The following BIRC3 variants were observed in gnomAD, a reference collection of about 807,000 sequenced individuals.
The protein encoded by BIRC3 is baculoviral IAP repeat containing 3, also known as baculoviral IAP repeat-containing protein 3.
Under a neutral mutation model 59.0 loss-of-function variants are expected in BIRC3, and 26 were observed. The ratio of observed to expected loss-of-function variants is 0.44; its 90% CI spans 0.32 to 0.61. The LOEUF (loss-of-function observed/expected upper bound fraction) is 0.61. Among genes scored for constraint, BIRC3 ranks in the 20% least tolerant of loss-of-function variants. The pLI is 0.04. For synonymous variants in BIRC3, 243 were observed against 249.2 expected (o/e 0.98, Z 0.24); for missense variants, 641 against 711.5 (o/e 0.90, Z 1.13).
At position 102,324,657 on chromosome 11, in the gene BIRC3, C is replaced by G. The variant is rs978016131; in HGVS notation, c.148C>G (p.Leu50Val). 3.1e-6 allele frequency: 5 copies of G among 1,614,184 alleles called. No homozygotes were observed. Among genetic ancestry groups the G allele is most frequent in the Non-Finnish European group, 4.2e-6 (5 of 1,180,024 alleles). Residue 50 changes from leucine (L) to valine (V), a missense_variant, in exon 2 of 9, where the codon CTT becomes GTT. Physicochemically the swap from Leu to Val is conservative, Grantham distance 32. Coordinates refer to ENST00000263464, the MANE Select transcript of BIRC3 (RefSeq NM_001165.5). Reference protein sequence around the residue: ...PAGVPVSERSLARAGFYYTGV... With the variant: ...PAGVPVSERSVARAGFYYTGV... Reference sequence around the variant, plus strand: ...TGGGGTTCCTGTCTCAGAAAGGAGTCTTGCTCGTGCTGGTTTCTATTACAC... The same window carrying G: ...TGGGGTTCCTGTCTCAGAAAGGAGTGTTGCTCGTGCTGGTTTCTATTACAC...
chr11:102,324,285 T>C lies in BIRC3; in HGVS notation c.-225T>C, dbSNP rs990087823. On this transcript the variant is annotated 5_prime_UTR_variant, in exon 2 of 9. Coordinates refer to ENST00000263464, the MANE Select transcript of BIRC3 (RefSeq NM_001165.5). ...TGTAGCATCATGTTTACATTGTATG[T>C]ATAAAGATTATACAAAGGTGCAATT... 4 of 447,544 alleles carry C rather than the reference T, an allele frequency of 8.9e-6. No individual in the cohort carries two copies. Among genetic ancestry groups the C allele is most frequent in the African/African-American group, 2.0e-5 (1 of 49,936 alleles). 27.7% of individuals were successfully genotyped at this position (447,544 alleles called of 1,614,324 possible).
chr11:102,325,742 C>A (rs954276901), intron 3 of BIRC3, among the ~76,000 whole-genome samples, 177 bp downstream of exon 3: 1 of 151,616 alleles, frequency 6.6e-6, no homozygotes, highest in Non-Finnish European at 1.5e-5. Flanking sequence ...CTTAAGACAA[C>A]GAAGAAATAG....
chr11:102,326,084 C>T (rs992698912), intron 3 of BIRC3, among the ~76,000 whole-genome samples: 4 of 152,068 alleles, frequency 2.6e-5, no homozygotes, highest in Admixed American at 6.6e-5. Flanking sequence ...TCCATTCATT[C>T]GGTATTCAAT....
chr11:102,336,585 C>G (rs1296626764), intron 7 of BIRC3, 175 bp from the exon 8 acceptor site: 1 of 667,470 alleles, frequency 1.5e-6, no homozygotes, highest in Non-Finnish European at 2.4e-6. Flanking sequence ...CAGACTCTGT[C>G]TCAAAAAAAA....
chr11:102,325,341 A>G lies in BIRC3; in HGVS notation c.832A>G (p.Ser278Gly). The change falls in exon 2 of 9, where the codon AGT (serine) becomes GGT (glycine). Residue 278 changes from serine (S) to glycine (G), a missense_variant. Coordinates refer to ENST00000263464, the MANE Select transcript of BIRC3 (RefSeq NM_001165.5). Reference protein sequence around the residue: ...SVLVNPEQLASAGFYYVGNSD... With the variant: ...SVLVNPEQLAGAGFYYVGNSD... ...TCTAGTTAATCCTGAGCAGCTTGCAAGTGCGGGTTTTTATTATGTGGGTAA... is the reference window on the plus strand; with the variant it reads ...TCTAGTTAATCCTGAGCAGCTTGCAGGTGCGGGTTTTTATTATGTGGGTAA... 6.3e-7 allele frequency: 1 copy of G among 1,597,728 alleles called. No individual in the cohort carries two copies. Among genetic ancestry groups the G allele is most frequent in the Non-Finnish European group, 8.5e-7 (1 of 1,173,186 alleles).
chr11:102,327,247 A>C (rs1267744114), intron 3 of BIRC3, among the ~76,000 whole-genome samples: 1 of 152,208 alleles, frequency 6.6e-6, no homozygotes, highest in Non-Finnish European at 1.5e-5. Flanking sequence ...ATTAAGAGTA[A>C]ATTGATTATA....
chr11:102,332,024 C>T (rs1347944898), intron 6 of BIRC3, among the ~76,000 whole-genome samples: 4 of 152,134 alleles, frequency 2.6e-5, no homozygotes, highest in African/African-American at 9.7e-5. Context: ...TATTAAGTCC[C>T]CTACCTGTCC....
At chr11:102,320,676 G>A (rs1276796732) in intron 1 of BIRC3, among the ~76,000 whole-genome samples, 1 of 152,164 alleles carries the variant, frequency 6.6e-6, no homozygotes, top group African/African-American at 2.4e-5. Flanking sequence ...CAAAACATAT[G>A]TCCTTTTTCT....
In BIRC3 at chr11:102,338,908, A is replaced by C. The variant is rs912398360; in HGVS notation, c.*1806A>C. 39 of 221,488 alleles carry C rather than the reference A, an allele frequency of 1.8e-4. No individual in the cohort carries two copies. Among genetic ancestry groups the C allele is most frequent in the African/African-American group, 7.8e-4 (35 of 44,690 alleles). The allele number at this position is 221,488 out of a possible 1,614,324, so 13.7% of individuals were successfully genotyped here. A position where few individuals can be genotyped will look rare whatever the true frequency, so the allele number is the denominator to read the frequency against. ...AGGAGGGCAGGATAACATCAGAGAA[A>C]AACTTTGCTTCTGAGGCCTTCACTT... On this transcript the variant is annotated 3_prime_UTR_variant, in exon 9 of 9. Coordinates refer to ENST00000263464, the MANE Select transcript of BIRC3 (RefSeq NM_001165.5).
At chr11:102,329,050 A>G in intron 5 of BIRC3, 105 bp downstream of exon 5, 2 of 615,690 alleles carry the variant, frequency 3.2e-6, no homozygotes, top group Non-Finnish European at 5.1e-6. Flanking sequence ...TTTATAATTT[A>G]CGATGAATGC....
intron 5 of BIRC3, among the ~76,000 whole-genome samples, chr11:102,329,472 T>A (rs761223326): frequency 6.6e-6 from 1 of 152,000 alleles, no homozygotes; most frequent in Non-Finnish European, 1.5e-5. Flanking sequence ...CAATTCAGTA[T>A]ATATTTATTG....
rs761388757 is a variant in BIRC3 at position 102,325,061 on chromosome 11, G to A, written c.552G>A (p.Leu184=). The change falls in exon 2 of 9, where the codon CTG becomes CTA. Residue 184 remains leucine (L), a synonymous_variant. Coordinates refer to ENST00000263464, the MANE Select transcript of BIRC3 (RefSeq NM_001165.5). ...LTFQTWPLTF[L]SPTDLAKAGF... is the part of the protein sequence containing the mutation. Reference sequence around the variant, plus strand: ...TTCAGACATGGCCATTGACTTTTCTGTCGCCAACAGATCTGGCAAAAGCAG... The same window carrying A: ...TTCAGACATGGCCATTGACTTTTCTATCGCCAACAGATCTGGCAAAAGCAG... The A allele has an allele frequency of 1.2e-5, 19 of 1,614,052 alleles. No homozygotes were observed. In the South Asian group the frequency reaches 1.9e-4, roughly 16 times the overall value.
Position 102,325,398 on chromosome 11 carries a change from T to C in BIRC3, c.853+36T>C, listed in dbSNP as rs756923879. On this transcript the variant is annotated intron_variant, in intron 2 of 8. Coordinates refer to ENST00000263464, the MANE Select transcript of BIRC3 (RefSeq NM_001165.5). ...GAATCTGCTAATTAAAAAAAATATA[T>C]TTCATTTTATACATTTTAGTGGGCA... The C allele has an allele frequency of 6.3e-6, 10 of 1,582,720 alleles. 1 individual carries two copies. In the Admixed American group the frequency reaches 9.5e-5, roughly 15 times the overall value.
intron 6 of BIRC3, among the ~76,000 whole-genome samples, chr11:102,333,817 C>A (rs892093944): frequency 3.3e-5 from 5 of 152,046 alleles, no homozygotes; most frequent in Admixed American, 2.0e-4. Flanking sequence ...TGTTTTAATT[C>A]AGGCTGAATG....
At chr11:102,331,450 A>G (rs1231919449) in intron 6 of BIRC3, among the ~76,000 whole-genome samples, 1 of 152,224 alleles carries the variant, frequency 6.6e-6, no homozygotes, top group East Asian at 1.9e-4. Flanking sequence ...TATGATGTAC[A>G]AAAGTATTTT....
chr11:102,327,630 ACT>A, intron 3 of BIRC3, among the ~76,000 whole-genome samples: 1 of 151,938 alleles, frequency 6.6e-6, no homozygotes, highest in Admixed American at 6.6e-5. Flanking sequence ...ACAGAGCGAG[ACT>A]CTGTCTAAAA....
chr11:102,325,711 T>A, intron 3 of BIRC3, 146 bp downstream of exon 3: 1 of 728,188 alleles, frequency 1.4e-6, no homozygotes, highest in Non-Finnish European at 2.0e-6. Flanking sequence ...GTAAAATACT[T>A]ACTTAAAAAG....
chr11:102,319,442 G>T lies in BIRC3; in HGVS notation c.-2674+1871G>T, dbSNP rs148999472. On this transcript the variant is annotated intron_variant, in intron 1 of 8. Transcript: ENST00000263464. ...AAGGCCAGTCGAGAGTGACAGGAAT[G>T]AGAGTTGAAGCAATGAGGGGATGGG... Among the ~76,000 whole-genome samples, 6 of 152,330 alleles carry T rather than the reference G, an allele frequency of 3.9e-5. No individual in the cohort carries two copies. The East Asian group carries it at 1.2e-3, about 29-fold the overall frequency.
intron 5 of BIRC3, among the ~76,000 whole-genome samples, chr11:102,330,692 A>G (rs1951129415): frequency 6.6e-6 from 1 of 152,194 alleles, no homozygotes; most frequent in South Asian, 2.1e-4. Flanking sequence ...GGGAAAAATA[A>G]TCTCAATTCT....
Sources: allele counts gnomAD v4.1 joint callset (sites outside exome capture counted in the v4.1 genomes callset), GRCh38; gene constraint gnomAD v4.1.1; transcripts MANE v1.5; gene names NCBI Gene and HGNC (gene_info 2026-07-23, HGNC 2026-07-21).